Variants in PTCHD4 observed in about 807,000 individuals in gnomAD.
PTCHD4 encodes the protein patched domain containing 4, also known as patched domain-containing protein 4.
PTCHD4 carries 33 observed loss-of-function variants against 58.1 expected under a neutral mutation model. That is an observed-to-expected ratio of 0.57 (90% CI 0.43 to 0.76). The LOEUF (loss-of-function observed/expected upper bound fraction) is 0.76. PTCHD4 is among the 30% of genes least tolerant of loss of function. The pLI is 0.00. For synonymous variants in PTCHD4, 478 were observed against 409.6 expected, an observed-to-expected ratio of 1.17 and a Z score of -2.02; for missense variants, 1,058 against 1,027.1, an observed-to-expected ratio of 1.03 and a Z score of -0.41.
At chr6:48,036,949 C>G (rs751126209) in intron 3 of PTCHD4, among the ~76,000 whole-genome samples, 3 of 152,042 alleles carry the variant, frequency 2.0e-5, no homozygotes, top group Non-Finnish European at 4.4e-5. Context: ...ACAGAAAATG[C>G]ATTCTATTGA....
At chr6:47,949,631 T>C (rs997078955) in intron 4 of PTCHD4, among the ~76,000 whole-genome samples, 1 of 152,034 alleles carries the variant, frequency 6.6e-6, no homozygotes, top group Non-Finnish European at 1.5e-5. Context: ...ATCAAGCAGC[T>C]CTCTCTTTGC....
At chr6:47,949,390 T>C (rs1214633584) in intron 4 of PTCHD4, among the ~76,000 whole-genome samples, 1 of 152,160 alleles carries the variant, frequency 6.6e-6, no homozygotes, top group East Asian at 1.9e-4. Flanking sequence ...CTTTGTGGCT[T>C]TGATTAGTGT....
Position 48,008,765 on chromosome 6 carries a change from C to A in PTCHD4, c.767G>T (p.Arg256Leu), listed in dbSNP as rs143420847. 1.9e-6 allele frequency: 3 copies of A among 1,613,808 alleles called. No individual in the cohort carries two copies. Among genetic ancestry groups the A allele is most frequent in the Non-Finnish European group, 2.5e-6 (3 of 1,179,882 alleles). Residue 256 changes from arginine to leucine, a missense_variant, in exon 4 of 5, where the codon CGC becomes CTC. Arg to Leu is a moderately radical substitution (Grantham distance 102). Transcript: ENST00000339488. ...CAGGAGGCCCAGGAAGGGCTTACTG[C>A]GCAAGCAGTCCTTCATGGAGCTGGA... ...TLSSSMKDCL[R>L]SKPFLGLLGV...
In PTCHD4 at chr6:47,897,160, G is replaced by T. The variant is rs190102690; in HGVS notation, c.899-17224C>A. Among the ~76,000 whole-genome samples, 17 of 152,220 alleles carry T rather than the reference G, an allele frequency of 1.1e-4. No homozygotes were observed. The East Asian group carries it at 3.3e-3, about 29-fold the overall frequency. The stretch of plus-strand genomic sequence containing the variant: ...GGACCCCTACTCCACTTTCATTTGG[G>T]TAGTGTTAAAGAGAACATTTCTACT... On this transcript the variant is annotated intron_variant, in intron 4 of 4. Transcript: ENST00000339488.
At chr6:48,083,855 T>C (rs1333501476) in intron 1 of PTCHD4, among the ~76,000 whole-genome samples, 1 of 152,176 alleles carries the variant, frequency 6.6e-6, no homozygotes, top group Admixed American at 6.5e-5. Flanking sequence ...AGAAGTAGAA[T>C]TGTCCCCAGC....
chr6:48,097,965 T>G (rs1425295571), intron 1 of PTCHD4, among the ~76,000 whole-genome samples: 1 of 152,180 alleles, frequency 6.6e-6, no homozygotes, highest in African/African-American at 2.4e-5. Context: ...AAGCAGAGAC[T>G]AGGTCGCTTC....
In PTCHD4 at chr6:48,111,141, T is replaced by C. The variant is rs1765867843; in HGVS notation, c.-1062A>G. Among the ~76,000 whole-genome samples the C allele has an allele frequency of 6.6e-6, 1 of 152,096 alleles. No homozygotes were observed. Among genetic ancestry groups the C allele is most frequent in the Non-Finnish European group, 1.5e-5 (1 of 68,018 alleles). On this transcript the variant is annotated 5_prime_UTR_variant, in exon 1 of 5. Transcript: ENST00000339488. ...TTTTATTTCTTCTCTGCTACTTCTCTGCCATACTGTGGTTGGTAGTGGCTG... is the reference window on the plus strand; with the variant it reads ...TTTTATTTCTTCTCTGCTACTTCTCCGCCATACTGTGGTTGGTAGTGGCTG...
rs1763635765 is a variant in PTCHD4, at chr6:47,868,595, C to T, written c.*9708G>A. Among the ~76,000 whole-genome samples the T allele has an allele frequency of 6.6e-6, 1 of 151,680 alleles. No homozygotes were observed. Among genetic ancestry groups the T allele is most frequent in the Middle Eastern group, 3.2e-3 (1 of 316 alleles). On this transcript the variant is annotated 3_prime_UTR_variant, in exon 5 of 5. Coordinates refer to ENST00000339488, the MANE Select transcript of PTCHD4 (RefSeq NM_001384253.1). ...CTTCATAGTTTGGCATGTCAGTTGC[C>T]ATTTTTAAAATAAAATCAGTGGAGA...
intron 4 of PTCHD4, among the ~76,000 whole-genome samples, chr6:47,986,662 G>T (rs930014036): frequency 1.3e-5 from 2 of 152,154 alleles, no homozygotes; most frequent in African/African-American, 4.8e-5. Flanking sequence ...ATTCTGCCTA[G>T]TGGAGCTGTA....
rs895917221 is a variant in PTCHD4, at chr6:47,867,253, G to A, written c.*11050C>T. 3.3e-5 allele frequency among the ~76,000 whole-genome samples: 5 copies of A among 151,726 alleles called. No homozygotes were observed. Among genetic ancestry groups the A allele is most frequent in the African/African-American group, 7.3e-5 (3 of 41,354 alleles). On this transcript the variant is annotated 3_prime_UTR_variant, in exon 5 of 5. Coordinates refer to ENST00000339488, the MANE Select transcript of PTCHD4 (RefSeq NM_001384253.1). ...TTACTCTCACACTTTGAGGGCTTTT[G>A]TGCCAGAACGTGGACGGTGTTCCAT...
rs1360494157 is a variant in PTCHD4 at position 47,886,947 on chromosome 6, T to C, written c.899-7011A>G. Among the ~76,000 whole-genome samples, 7 of 152,190 alleles carry C rather than the reference T, an allele frequency of 4.6e-5. No individual in the cohort carries two copies. In the East Asian group the frequency reaches 1.3e-3, roughly 29 times the overall value. On this transcript the variant is annotated intron_variant, in intron 4 of 4. Transcript: ENST00000339488. ...CCAAATCACAGTACTTACTATACGC[T>C]AGACTGAGATTGCCCGTTGGTGGGC...
At chr6:48,106,944 TAA>T (rs1252398039) in intron 1 of PTCHD4, among the ~76,000 whole-genome samples, 7 of 152,026 alleles carry the variant, frequency 4.6e-5, no homozygotes, top group African/African-American at 9.7e-5. Flanking sequence ...CTCAATGAAA[TAA>T]AAGAGTATAC....
At chr6:48,094,994 G>C (rs1000769527) in intron 1 of PTCHD4, among the ~76,000 whole-genome samples, 6 of 152,130 alleles carry the variant, frequency 3.9e-5, no homozygotes, top group African/African-American at 1.4e-4. Flanking sequence ...TGCAAGCACT[G>C]TCATTTTGGG....
intron 3 of PTCHD4, among the ~76,000 whole-genome samples, chr6:48,013,065 G>A (rs1027943466): frequency 3.9e-5 from 6 of 152,226 alleles, no homozygotes; most frequent in African/African-American, 1.4e-4. Flanking sequence ...CCAGGTTTTG[G>A]TATCAGGATG....
chr6:47,895,326 C>G (rs1367365621), intron 4 of PTCHD4, among the ~76,000 whole-genome samples: 1 of 151,932 alleles, frequency 6.6e-6, no homozygotes, highest in Non-Finnish European at 1.5e-5. Flanking sequence ...TCAGTAGTTA[C>G]AGAACAAAAT....
chr6:47,886,166 T>C (rs1275232453), intron 4 of PTCHD4, among the ~76,000 whole-genome samples: 1 of 149,882 alleles, frequency 6.7e-6, no homozygotes, highest in Non-Finnish European at 1.5e-5. Flanking sequence ...ATAAATCCAA[T>C]ATCATTTTTA....
chr6:47,890,678 C>T (rs569188584), intron 4 of PTCHD4, among the ~76,000 whole-genome samples: 1 of 152,260 alleles, frequency 6.6e-6, no homozygotes, highest in Non-Finnish European at 1.5e-5. Context: ...AGCTTGGTTA[C>T]TGATGTCTTT....
intron 4 of PTCHD4, among the ~76,000 whole-genome samples, chr6:47,961,068 A>G (rs1439014216): frequency 6.6e-6 from 1 of 151,660 alleles, no homozygotes; most frequent in Admixed American, 6.6e-5. Context: ...GAGAGCACTT[A>G]CCGCAACATA....
At position 47,860,040 on chromosome 6, in the gene PTCHD4, T is replaced by C. The variant is rs752219844; in HGVS notation, c.*18263A>G. 6.6e-6 allele frequency among the ~76,000 whole-genome samples: 1 copy of C among 152,042 alleles called. No individual in the cohort carries two copies. The highest frequency in any genetic ancestry group is 1.5e-5 in the Non-Finnish European group (1 of 67,976). ...TGTCTGTGAAGAGATGGTTCTTTTG[T>C]TTAGGCAGATAAAATGCCTTCTTCA... is the stretch of plus-strand genomic sequence containing the variant. On this transcript the variant is annotated 3_prime_UTR_variant, in exon 5 of 5. Coordinates refer to ENST00000339488, the MANE Select transcript of PTCHD4 (RefSeq NM_001384253.1).
Sources: allele counts gnomAD v4.1 joint callset (sites outside exome capture counted in the v4.1 genomes callset), GRCh38; gene constraint gnomAD v4.1.1; transcripts MANE v1.5; gene names NCBI Gene and HGNC (gene_info 2026-07-23, HGNC 2026-07-21).